GCM1: variants seen among roughly 807,000 people sequenced by gnomAD.
GCM1 encodes the protein GCM transcription factor 1, also known as chorion-specific transcription factor GCMa.
A neutral mutation model predicts 25.7 loss-of-function variants in GCM1; 2 were observed. That is an observed-to-expected ratio of 0.08 (90% CI 0.03 to 0.24). The LOEUF (loss-of-function observed/expected upper bound fraction) is 0.24. GCM1 is among the 10% of genes least tolerant of loss of function. The pLI is 1.00. For synonymous variants in GCM1, 183 were observed against 195.7 expected (o/e 0.94, Z 0.54); for missense variants, 395 against 538.7 (o/e 0.73, Z 2.64).
chr6:53,145,377 T>C (rs1190702164), intron 2 of GCM1, among the ~76,000 whole-genome samples, 181 bp downstream of exon 2: 1 of 152,188 alleles, frequency 6.6e-6, no homozygotes, highest in African/African-American at 2.4e-5. Flanking sequence ...AAAGACACAC[T>C]CAAATCATAG....
intron 5 of GCM1, among the ~76,000 whole-genome samples, chr6:53,130,333 T>C (rs1472334908): frequency 1.3e-5 from 2 of 152,166 alleles, no homozygotes; most frequent in African/African-American, 2.4e-5. Flanking sequence ...TCCACTCCAC[T>C]ATTGCCACCC....
At chr6:53,133,817 A>T (rs531209005) in intron 3 of GCM1, among the ~76,000 whole-genome samples, 13 of 152,152 alleles carry the variant, frequency 8.5e-5, no homozygotes, top group Non-Finnish European at 1.3e-4. Context: ...AGGAGCCTTC[A>T]GTCCAGTGCC....
At chr6:53,136,146 G>A (rs1763796866) in intron 2 of GCM1, among the ~76,000 whole-genome samples, 1 of 152,260 alleles carries the variant, frequency 6.6e-6, no homozygotes, top group African/African-American at 2.4e-5. Flanking sequence ...GAGCTGCAGT[G>A]TGCAAACTAG....
intron 5 of GCM1, among the ~76,000 whole-genome samples, chr6:53,129,312 C>T (rs1354525434): frequency 1.3e-5 from 2 of 151,216 alleles, no homozygotes; most frequent in Non-Finnish European, 2.9e-5. Context: ...GCTCTGTTGC[C>T]CAGCCAGGCT....
At chr6:53,146,260 C>T (rs1486323923) in intron 1 of GCM1, among the ~76,000 whole-genome samples, 24 of 145,594 alleles carry the variant, frequency 1.6e-4, no homozygotes, top group South Asian at 1.5e-3. Flanking sequence ...CACTTCTTCA[C>T]CCAGGCTGGA....
chr6:53,142,042 CAGAA>C lies in GCM1; in HGVS notation c.75+3512_75+3515del, dbSNP rs1763882606. 1.0e-4 allele frequency among the ~76,000 whole-genome samples: 5 copies of C among 49,778 alleles called. No individual in the cohort carries two copies. In the South Asian group the frequency reaches 2.1e-3, roughly 21 times the overall value. The allele number at this position is 49,778 out of a possible 152,430, so 32.7% of individuals were successfully genotyped here. ...AAAAAAAAAAAAAAAAAAAAAAAAACAGAAAGAAAAAGAAAGAAAGAAGGAAGGA... is the reference window on the plus strand; with the variant it reads ...AAAAAAAAAAAAAAAAAAAAAAAAACAGAAAAAGAAAGAAAGAAGGAAGGA... On this transcript the variant is annotated intron_variant, in intron 2 of 5. Transcript: ENST00000259803.
At chr6:53,146,216 AT>A (rs70980806) in intron 1 of GCM1, among the ~76,000 whole-genome samples, 1,054 of 100,960 alleles carry the variant, frequency 0.01, 6 homozygotes, top group East Asian at 0.03. Flanking sequence ...ATATATATAT[AT>A]TTTTTTTTTT....
chr6:53,128,302 G>C lies in GCM1; in HGVS notation c.1215C>G (p.Ser405Arg). Residue 405 changes from serine (S) to arginine (R), a missense_variant, in exon 6 of 6, where the codon AGC (serine) becomes AGG (arginine). Around this residue, in one of 5 missense-constraint regions of GCM1, gnomAD observed 291 missense variants for 314.6 expected, o/e 0.92. Coordinates refer to ENST00000259803, the MANE Select transcript of GCM1 (RefSeq NM_003643.4). ...SHPHQQYSLP[S>R]KSSKWDFEEE... ...CCTCAAAATCCCATTTGCTGCTCTT[G>C]CTTGGCAGTGAATATTGCTGATGAG... 6.2e-7 allele frequency: 1 copy of C among 1,613,916 alleles called. No individual in the cohort carries two copies. Among genetic ancestry groups the C allele is most frequent in the Non-Finnish European group, 8.5e-7 (1 of 1,179,862 alleles).
intron 4 of GCM1, 103 bp from the exon 5 acceptor site, chr6:53,131,034 G>T: frequency 2.7e-6 from 3 of 1,101,900 alleles, no homozygotes; most frequent in Non-Finnish European, 4.0e-6. Flanking sequence ...CCCCGGGGGT[G>T]GTGTTGCAGT....
intron 5 of GCM1, among the ~76,000 whole-genome samples, chr6:53,130,589 T>A (rs933792071): frequency 3.3e-5 from 5 of 152,222 alleles, no homozygotes; most frequent in South Asian, 2.1e-4. Flanking sequence ...TCCAATTACA[T>A]GGACTTTATG....
At chr6:53,147,941 T>A (rs925773988) in intron 1 of GCM1, among the ~76,000 whole-genome samples, 1 of 152,186 alleles carries the variant, frequency 6.6e-6, no homozygotes, top group African/African-American at 2.4e-5. Context: ...ATAAATAAAG[T>A]TCTTGACCAT....
intron 4 of GCM1, among the ~76,000 whole-genome samples, chr6:53,131,534 C>G (rs540164230): frequency 6.6e-6 from 1 of 152,344 alleles, no homozygotes; most frequent in East Asian, 1.9e-4. Context: ...TTACCAGCAT[C>G]CCACTAATTC....
Position 53,128,008 on chromosome 6 carries a change from A to G in GCM1, c.*198T>C, listed in dbSNP as rs537453310. ...GGCGCCACTGCATTCCTGCCTGGGC[A>G]AAAGAGCAAGACTCTGTCTCAAAAA... On this transcript the variant is annotated 3_prime_UTR_variant, in exon 6 of 6. Transcript: ENST00000259803. The G allele has an allele frequency of 9.7e-5, 36 of 369,794 alleles. No homozygotes were observed. The Middle Eastern group carries it at 5.9e-3, about 60-fold the overall frequency. 22.9% of individuals were successfully genotyped at this position (369,794 alleles called of 1,614,324 possible).
At position 53,128,543 on chromosome 6, in the gene GCM1, C is replaced by A. The variant is rs1763678322; in HGVS notation, c.974G>T (p.Cys325Phe). 6.2e-7 allele frequency: 1 copy of A among 1,613,852 alleles called. No individual in the cohort carries two copies. The stretch of plus-strand genomic sequence containing the variant: ...AGAGTTTTGGGAAGGAGAGAAGCTG[C>A]AAGGCCAGCTGGTCAGAGGAAAAGG... Reference protein sequence around the residue: ...NYPFPLTSWPCSFSPSQNSSE... With the variant: ...NYPFPLTSWPFSFSPSQNSSE... Residue 325 changes from cysteine (C) to phenylalanine (F), a missense_variant, in exon 6 of 6, where the codon TGC becomes TTC. Cys to Phe is a radical substitution (Grantham distance 205, BLOSUM62 -2). Transcript: ENST00000259803.
At chr6:53,141,876 C>T (rs979143538) in intron 2 of GCM1, among the ~76,000 whole-genome samples, 1 of 150,230 alleles carries the variant, frequency 6.7e-6, no homozygotes, top group Admixed American at 6.7e-5. Context: ...GTGGGGTGCA[C>T]GCCTGTAGTC....
chr6:53,134,387 T>C, intron 2 of GCM1, 63 bp from the exon 3 acceptor site: 2 of 1,487,256 alleles, frequency 1.3e-6, no homozygotes, highest in South Asian at 1.2e-5. Flanking sequence ...TCACCCACTG[T>C]GGAGTGAGTA....
chr6:53,138,335 AT>A (rs746295131), intron 2 of GCM1, among the ~76,000 whole-genome samples: 2 of 151,462 alleles, frequency 1.3e-5, no homozygotes, highest in Non-Finnish European at 2.9e-5. Context: ...GACTGAGAAC[AT>A]TACTAGGAGT....
At chr6:53,140,649 G>A (rs570957672) in intron 2 of GCM1, among the ~76,000 whole-genome samples, 6 of 152,204 alleles carry the variant, frequency 3.9e-5, no homozygotes, top group Admixed American at 3.3e-4. Context: ...ATGATCCAGG[G>A]TGTTTGCTGG....
At chr6:53,131,128 A>G (rs919579775) in intron 4 of GCM1, among the ~76,000 whole-genome samples, 197 bp from the exon 5 acceptor site, 4 of 152,240 alleles carry the variant, frequency 2.6e-5, no homozygotes, top group Admixed American at 2.6e-4. Context: ...TCACCCACCC[A>G]GCAAAGCCAT....
Sources: gnomAD v4.1 joint callset for allele counts (sites outside exome capture counted in the v4.1 genomes callset) on GRCh38, gnomAD v4.1.1 for gene constraint, gnomAD v4.1.1 regional missense constraint, MANE v1.5 for transcripts, NCBI Gene and HGNC (gene_info 2026-07-23, HGNC 2026-07-21) for gene names.